The following CLMP variants were observed in gnomAD, a reference collection of about 807,000 sequenced individuals.
CLMP encodes the protein CXADR like cell adhesion molecule, also known as CXADR-like membrane protein.
A neutral mutation model predicts 45.2 loss-of-function variants in CLMP; 27 were observed. The ratio of observed to expected loss-of-function variants is 0.60; its 90% CI spans 0.44 to 0.82. The LOEUF is 0.82. Ranked by LOEUF, CLMP falls within the 40% of genes least tolerant of loss-of-function variation. The pLI, the probability that CLMP is intolerant of heterozygous loss-of-function variation, is 0.00. For missense variants in CLMP, 403 were observed against 448.4 expected, an observed-to-expected ratio of 0.90 and a Z score of 0.91; for synonymous variants, 167 against 171.4, an observed-to-expected ratio of 0.97 and a Z score of 0.20.
chr11:123,145,293 G>T (rs1861219773), intron 1 of CLMP, among the ~76,000 whole-genome samples: 1 of 151,882 alleles, frequency 6.6e-6, no homozygotes, highest in African/African-American at 2.4e-5. Context: ...TTGTGCTCTC[G>T]TCTGTTTTCG....
At chr11:123,122,613 T>C (rs1860834803) in intron 1 of CLMP, among the ~76,000 whole-genome samples, 1 of 152,152 alleles carries the variant, frequency 6.6e-6, no homozygotes, top group African/African-American at 2.4e-5. Flanking sequence ...AGCTTTTATT[T>C]CCCAATAGGC....
At chr11:123,101,887 G>A (rs1866066033) in intron 1 of CLMP, among the ~76,000 whole-genome samples, 2 of 152,196 alleles carry the variant, frequency 1.3e-5, no homozygotes, top group African/African-American at 2.4e-5. Flanking sequence ...AAGGTTATAA[G>A]ATATGCAACT....
intron 1 of CLMP, among the ~76,000 whole-genome samples, chr11:123,150,608 AGG>A (rs1861323586): frequency 8.6e-6 from 1 of 116,756 alleles, no homozygotes; most frequent in South Asian, 3.7e-4. Flanking sequence ...GAAGGAATGA[AGG>A]AAGGAAGGAA....
At chr11:123,143,306 C>A (rs1861191031) in intron 1 of CLMP, among the ~76,000 whole-genome samples, 1 of 152,192 alleles carries the variant, frequency 6.6e-6, no homozygotes, top group South Asian at 2.1e-4. Context: ...TGTCCCCGAC[C>A]CTCACTTTCA....
intron 1 of CLMP, among the ~76,000 whole-genome samples, chr11:123,162,759 A>G (rs1861503597): frequency 6.6e-6 from 1 of 151,798 alleles, no homozygotes; most frequent in Admixed American, 6.6e-5. Context: ...AAAAGCAGCC[A>G]GGCATGGTGG....
At position 123,070,827 on chromosome 11, in the gene CLMP, T is replaced by G. The variant is rs1230737339; in HGVS notation, c.*2647A>C. Reference sequence around the variant, plus strand: ...AAGCATTCCAAATACGCCAGTTCTCTTAAACCCATAGCAGACATTTATATG... The same window carrying G: ...AAGCATTCCAAATACGCCAGTTCTCGTAAACCCATAGCAGACATTTATATG... On this transcript the variant is annotated 3_prime_UTR_variant, in exon 7 of 7. Transcript: ENST00000448775. 6.6e-6 allele frequency: 1 copy of G among 152,236 alleles called. No homozygotes were observed. Among genetic ancestry groups the G allele is most frequent in the African/African-American group, 2.4e-5 (1 of 41,468 alleles). The allele number at this position is 152,236 out of a possible 1,614,324, so 9.4% of individuals were successfully genotyped here.
intron 2 of CLMP, among the ~76,000 whole-genome samples, chr11:123,092,779 T>G (rs543893564): frequency 2.0e-5 from 3 of 151,326 alleles, no homozygotes; most frequent in Non-Finnish European, 4.4e-5. Context: ...TTTGTATTTT[T>G]AGTAGAGATG....
intron 1 of CLMP, among the ~76,000 whole-genome samples, chr11:123,127,868 C>G (rs921513412): frequency 6.6e-6 from 1 of 152,008 alleles, no homozygotes; most frequent in African/African-American, 2.4e-5. Flanking sequence ...AAAACCCTGT[C>G]TCTACTGAAA....
intron 1 of CLMP, among the ~76,000 whole-genome samples, chr11:123,190,143 G>A (rs1252131614): frequency 6.6e-6 from 1 of 152,140 alleles, no homozygotes; most frequent in Non-Finnish European, 1.5e-5. Context: ...TCCTTTTGGT[G>A]AGTATTTCAG....
chr11:123,123,526 G>GGGATTACA (rs1860848505), intron 1 of CLMP, among the ~76,000 whole-genome samples: 1 of 152,008 alleles, frequency 6.6e-6, no homozygotes, highest in Admixed American at 6.6e-5. Context: ...CCAAAGTGCT[G>GGGATTACA]GGATTACAGG....
At chr11:123,173,399 T>G (rs1861661048) in intron 1 of CLMP, among the ~76,000 whole-genome samples, 1 of 152,234 alleles carries the variant, frequency 6.6e-6, no homozygotes, top group Admixed American at 6.5e-5. Context: ...CAGTCTTACA[T>G]GAATGCATTC....
At chr11:123,093,001 A>G (rs1040695976) in intron 2 of CLMP, among the ~76,000 whole-genome samples, 3 of 145,382 alleles carry the variant, frequency 2.1e-5, no homozygotes, top group Admixed American at 7.0e-5. Context: ...TCCTCATCCC[A>G]GGTTCAAGCG....
chr11:123,177,874 A>AATAAT (rs1466591428), intron 1 of CLMP, among the ~76,000 whole-genome samples: 1 of 152,092 alleles, frequency 6.6e-6, no homozygotes, highest in Non-Finnish European at 1.5e-5. Flanking sequence ...TATTATTTTT[A>AATAAT]ACACGGGGTC....
intron 1 of CLMP, among the ~76,000 whole-genome samples, chr11:123,129,665 T>A (rs1003793565): frequency 2.6e-4 from 36 of 140,980 alleles, no homozygotes; most frequent in African/African-American, 4.6e-4. Context: ...TATATAAATT[T>A]TATATATATA....
At chr11:123,108,031 T>C (rs1158506201) in intron 1 of CLMP, among the ~76,000 whole-genome samples, 11 of 152,102 alleles carry the variant, frequency 7.2e-5, no homozygotes, top group Admixed American at 7.2e-4. Flanking sequence ...ACAGGCATGT[T>C]TTTACCACAC....
chr11:123,194,977 G>A lies in CLMP; in HGVS notation c.-37C>T. 1 of 1,604,812 alleles carries A rather than the reference G, an allele frequency of 6.2e-7. No individual in the cohort carries two copies. The highest frequency in any genetic ancestry group is 1.3e-5 in the African/African-American group (1 of 74,390). ...GACGCGGGCGCTTCCCCGCTCAGCT[G>A]CTGCTTGGCTCCGGGGCGGCCGGGC... On this transcript the variant is annotated 5_prime_UTR_variant, in exon 1 of 7. Transcript: ENST00000448775.
intron 1 of CLMP, among the ~76,000 whole-genome samples, chr11:123,146,268 C>T (rs1194178846): frequency 1.3e-5 from 2 of 152,034 alleles, no homozygotes; most frequent in Non-Finnish European, 2.9e-5. Context: ...TGTGGTGGCT[C>T]GCGTCTGTAA....
intron 1 of CLMP, among the ~76,000 whole-genome samples, chr11:123,112,770 A>ATT (rs34587716): frequency 0.12 from 13,925 of 113,938 alleles, 1,603 homozygotes; most frequent in African/African-American, 0.24. Flanking sequence ...GTTAGTACCC[A>ATT]TTTTTTTTTT....
At chr11:123,096,686 A>C (rs1865993706) in intron 2 of CLMP, among the ~76,000 whole-genome samples, 1 of 152,232 alleles carries the variant, frequency 6.6e-6, no homozygotes, top group Non-Finnish European at 1.5e-5. Context: ...GTTACACTAT[A>C]ATAGTGATCC....
Sources: allele counts gnomAD v4.1 joint callset (sites outside exome capture counted in the v4.1 genomes callset), GRCh38; gene constraint gnomAD v4.1.1; transcripts MANE v1.5; gene names NCBI Gene and HGNC (gene_info 2026-07-23, HGNC 2026-07-21).